NFAM1: variants seen among roughly 807,000 people sequenced by gnomAD.
The protein encoded by NFAM1 is NFAT activation molecule 1.
Under a neutral mutation model 29.0 loss-of-function variants are expected in NFAM1, and 17 were observed. The ratio of observed to expected loss-of-function variants is 0.59; its 90% CI spans 0.40 to 0.88. The LOEUF (loss-of-function observed/expected upper bound fraction) is 0.88. Ranked by LOEUF, NFAM1 falls within the 40% of genes least tolerant of loss-of-function variation. The probability of loss-of-function intolerance (pLI) is 0.00; values close to 1 mark genes in which losing one functional copy is unlikely to be tolerated. For synonymous variants in NFAM1, 175 were observed against 147.2 expected (o/e 1.19, Z -1.36); for missense variants, 324 against 344.6 (o/e 0.94, Z 0.47).
chr22:42,410,559 T>G (rs867975031), intron 2 of NFAM1: 27 of 275,528 alleles, frequency 9.8e-5, no homozygotes, highest in African/African-American at 6.0e-4. Flanking sequence ...CTTGGGAGGC[T>G]GAGGCATGAG....
At chr22:42,426,798 A>T (rs959630338) in intron 1 of NFAM1, among the ~76,000 whole-genome samples, 1 of 151,976 alleles carries the variant, frequency 6.6e-6, no homozygotes. Context: ...ACGATCCACG[A>T]CCCATGACTC....
intron 4 of NFAM1, among the ~76,000 whole-genome samples, chr22:42,390,500 C>G (rs1929297383): frequency 6.6e-6 from 1 of 151,844 alleles, no homozygotes; most frequent in East Asian, 1.9e-4. Context: ...CTGAAAGGTC[C>G]CATGAGGGTA....
intron 4 of NFAM1, among the ~76,000 whole-genome samples, chr22:42,387,521 C>A (rs994981257): frequency 6.7e-6 from 1 of 149,594 alleles, no homozygotes; most frequent in African/African-American, 2.5e-5. Flanking sequence ...CTGTTCAAAG[C>A]CCCGGCCCCT....
chr22:42,418,772 G>A (rs189981929), intron 1 of NFAM1, among the ~76,000 whole-genome samples: 2 of 152,154 alleles, frequency 1.3e-5, no homozygotes, highest in Admixed American at 1.3e-4. Context: ...GGGCACATAG[G>A]CCCTGATGGT....
Position 42,411,477 on chromosome 22 carries a change from G to A in NFAM1, c.381C>T (p.Gly127=). ...TLVLPGASAT[G]TYYCSVHWPH... is the part of the protein sequence containing the mutation. ...GCCAGTGGACAGAGCAGTAGTAGGT[G>A]CCAGTGGCCGATGCTCCCGGCAGCA... The change falls in exon 2 of 6, where the codon GGC becomes GGT. Residue 127 remains glycine (G), a synonymous_variant. Coordinates refer to ENST00000329021, the MANE Select transcript of NFAM1 (RefSeq NM_145912.8). 2 of 1,614,168 alleles carry A rather than the reference G, an allele frequency of 1.2e-6. No individual in the cohort carries two copies. The highest frequency in any genetic ancestry group is 2.2e-5 in the East Asian group (1 of 44,890).
At chr22:42,431,122 TTGGGGCTGAGGCTGGCC>T (rs1014276036) in intron 1 of NFAM1, among the ~76,000 whole-genome samples, 15 of 152,318 alleles carry the variant, frequency 9.8e-5, no homozygotes, top group East Asian at 7.7e-4. Flanking sequence ...GGGGCCCAGC[TTGGGGCTGAGGCTGGCC>T]TGGGGCTGAG....
chr22:42,387,084 G>A lies in NFAM1; in HGVS notation c.664-6C>T. ...GTCTCGCGGCGCTGCAGAGCCTACA[G>A]GAAACGGGGTGCCAGGATCAGGGGC... On this transcript the variant is annotated splice_region_variant and splice_polypyrimidine_tract_variant and intron_variant, in intron 4 of 5. Coordinates refer to ENST00000329021, the MANE Select transcript of NFAM1 (RefSeq NM_145912.8). 2 of 1,554,150 alleles carry A rather than the reference G, an allele frequency of 1.3e-6. No individual in the cohort carries two copies. Among genetic ancestry groups the A allele is most frequent in the Non-Finnish European group, 1.8e-6 (2 of 1,142,578 alleles).
At chr22:42,406,179 G>A (rs7292003) in intron 3 of NFAM1, among the ~76,000 whole-genome samples, 16,494 of 135,578 alleles carry the variant, frequency 0.12, 1,310 homozygotes, top group East Asian at 0.28. Context: ...CCCGGCTCGC[G>A]CCTCACCCCC....
intron 4 of NFAM1, among the ~76,000 whole-genome samples, chr22:42,395,582 C>T (rs370580988): frequency 3.3e-5 from 5 of 151,130 alleles, no homozygotes; most frequent in African/African-American, 7.3e-5. Context: ...TGACTGGGTT[C>T]GTAGAAAATC....
Position 42,381,261 on chromosome 22 carries a change from C to T in NFAM1, c.*3900G>A, listed in dbSNP as rs1433607224. 6.5e-6 allele frequency: 1 copy of T among 153,030 alleles called. No homozygotes were observed. Among genetic ancestry groups the T allele is most frequent in the Admixed American group, 6.5e-5 (1 of 15,282 alleles). The allele number at this position is 153,030 out of a possible 1,614,324, so 9.5% of individuals were successfully genotyped here. ...GCTCGCAGAACCGAGTGGCAAGGCC[C>T]CTGCTCCCAGAAGCTGGTTTCCCAG... On this transcript the variant is annotated 3_prime_UTR_variant, in exon 6 of 6. Transcript: ENST00000329021.
intron 1 of NFAM1, among the ~76,000 whole-genome samples, chr22:42,421,712 T>C (rs1159657561): frequency 1.3e-5 from 2 of 152,178 alleles, no homozygotes; most frequent in African/African-American, 4.8e-5. Flanking sequence ...AAGGTATCCA[T>C]CCCAAGTTAG....
intron 3 of NFAM1, among the ~76,000 whole-genome samples, chr22:42,402,831 C>CTTTTTTT (rs35045065): frequency 1.0e-4 from 10 of 97,114 alleles, no homozygotes; most frequent in African/African-American, 3.3e-4. Context: ...TCTGTGCCTT[C>CTTTTTTT]TTTTTTTTTT....
rs921694334 is a variant in NFAM1 at position 42,380,838 on chromosome 22, G to A, written c.*4323C>T. The A allele has an allele frequency of 2.6e-5, 4 of 152,550 alleles. No homozygotes were observed. Among genetic ancestry groups the A allele is most frequent in the African/African-American group, 9.7e-5 (4 of 41,434 alleles). The allele number at this position is 152,550 out of a possible 1,614,324, so 9.4% of individuals were successfully genotyped here. ...AGAGAGAAAGAAAAAGGAAAAGCAGGTTTTGCCTGTAACTTGAGTTCAGGT... is the reference window on the plus strand; with the variant it reads ...AGAGAGAAAGAAAAAGGAAAAGCAGATTTTGCCTGTAACTTGAGTTCAGGT... On this transcript the variant is annotated 3_prime_UTR_variant, in exon 6 of 6. Transcript: ENST00000329021.
the NFAM1 span, among the ~76,000 whole-genome samples, chr22:42,437,568 A>G: frequency 2.0e-5 from 3 of 152,164 alleles, no homozygotes; most frequent in Admixed American, 2.0e-4. Flanking sequence ...AACAGACGCC[A>G]GAGCCACCAA....
At chr22:42,403,797 G>A (rs542602973) in intron 3 of NFAM1, among the ~76,000 whole-genome samples, 125 of 152,334 alleles carry the variant, frequency 8.2e-4, no homozygotes, top group Non-Finnish European at 8.5e-4. Flanking sequence ...GATGGAGTAA[G>A]CTCAGGGGAC....
At chr22:42,435,939 C>A (rs980961643), upstream of NFAM1, among the ~76,000 whole-genome samples, 2 of 151,808 alleles carry the variant, frequency 1.3e-5, no homozygotes, top group African/African-American at 4.8e-5. Flanking sequence ...CCCGCCTCAG[C>A]CTTCCGAGTA....
intron 4 of NFAM1, among the ~76,000 whole-genome samples, chr22:42,390,924 C>T (rs1038476070): frequency 1.3e-5 from 2 of 152,088 alleles, no homozygotes; most frequent in Non-Finnish European, 2.9e-5. Flanking sequence ...GACCTTGACC[C>T]TTGGTGAGAG....
intron 3 of NFAM1, among the ~76,000 whole-genome samples, chr22:42,399,905 G>T (rs368942550): frequency 2.6e-5 from 4 of 152,200 alleles, no homozygotes; most frequent in Non-Finnish European, 5.9e-5. Flanking sequence ...GGCAGAAGCC[G>T]GCGCCACCCC....
chr22:42,393,965 GTAT>G (rs1457592110), intron 4 of NFAM1, among the ~76,000 whole-genome samples: 1 of 152,094 alleles, frequency 6.6e-6, no homozygotes, highest in African/African-American at 2.4e-5. Context: ...GGTTGAATGA[GTAT>G]TCCATATATG....
Sources: gnomAD v4.1 joint callset for allele counts (sites outside exome capture counted in the v4.1 genomes callset) on GRCh38, gnomAD v4.1.1 for gene constraint, MANE v1.5 for transcripts, NCBI Gene and HGNC (gene_info 2026-07-23, HGNC 2026-07-21) for gene names.